The following THSD7B variants were observed in gnomAD, a reference collection of about 807,000 sequenced individuals.
THSD7B encodes thrombospondin type 1 domain containing 7B.
In THSD7B, 138 loss-of-function variants were observed where a neutral mutation model predicts 213.6. The observed-to-expected ratio is 0.65, with a 90% CI of 0.56 to 0.74. The LOEUF (loss-of-function observed/expected upper bound fraction) is 0.74. Ranked by LOEUF, THSD7B falls within the 30% of genes least tolerant of loss-of-function variation. The pLI is 0.00. For missense variants in THSD7B, 1,931 were observed against 1,991.5 expected (o/e 0.97, Z 0.58); for synonymous variants, 742 against 687.0 (o/e 1.08, Z -1.25).
intron 12 of THSD7B, among the ~76,000 whole-genome samples, chr2:137,344,795 A>G (rs562515781): frequency 6.6e-6 from 1 of 151,834 alleles, no homozygotes; most frequent in African/African-American, 2.4e-5. Flanking sequence ...TGGTTAGTCA[A>G]CATTAACAGA....
intron 2 of THSD7B, among the ~76,000 whole-genome samples, chr2:136,999,766 A>G (rs1685967200): frequency 6.6e-6 from 1 of 152,096 alleles, no homozygotes; most frequent in Non-Finnish European, 1.5e-5. Context: ...ATGTCTGACT[A>G]AAGCCCAGCT....
At chr2:137,037,315 C>T (rs371701315) in intron 2 of THSD7B, among the ~76,000 whole-genome samples, 49 of 151,944 alleles carry the variant, frequency 3.2e-4, no homozygotes, top group East Asian at 1.4e-3. Context: ...CATATTAAGA[C>T]GATCTAAATA....
intron 12 of THSD7B, among the ~76,000 whole-genome samples, chr2:137,341,159 C>A (rs1684753665): frequency 6.6e-6 from 1 of 151,222 alleles, no homozygotes; most frequent in Admixed American, 6.6e-5. Context: ...TGAGACGATA[C>A]CTCACTGTGG....
At chr2:137,609,756 C>T (rs1682253781) in intron 17 of THSD7B, among the ~76,000 whole-genome samples, 1 of 152,130 alleles carries the variant, frequency 6.6e-6, no homozygotes, top group Non-Finnish European at 1.5e-5. Flanking sequence ...GAAGATAGTT[C>T]TGGCCCCAGA....
chr2:137,323,152 T>G (rs776010696), intron 12 of THSD7B, among the ~76,000 whole-genome samples: 6 of 152,126 alleles, frequency 3.9e-5, no homozygotes, highest in Non-Finnish European at 8.8e-5. Context: ...ATCACAATTC[T>G]GAAAGAAAAA....
At position 137,013,023 on chromosome 2, in the gene THSD7B, A is replaced by G. The variant is rs374999541; in HGVS notation, c.140-43397A>G. 9.2e-5 allele frequency among the ~76,000 whole-genome samples: 14 copies of G among 152,326 alleles called. No individual in the cohort carries two copies. The South Asian group carries it at 1.0e-3, about 11-fold the overall frequency. ...TAGCCGGTCAAGATAACTCAATGAAATGAATGTTTATTTACTTTTTTTTCA... is the reference window on the plus strand; with the variant it reads ...TAGCCGGTCAAGATAACTCAATGAAGTGAATGTTTATTTACTTTTTTTTCA... On this transcript the variant is annotated intron_variant, in intron 2 of 27. Transcript: ENST00000409968.
At chr2:136,990,973 A>G in intron 2 of THSD7B, 1 of 1,314,050 alleles carries the variant, frequency 7.6e-7, no homozygotes, top group Non-Finnish European at 1.0e-6. Context: ...AAAGACATCA[A>G]AACTATCACA....
intron 1 of THSD7B, among the ~76,000 whole-genome samples, chr2:136,828,633 A>G (rs1682699570): frequency 6.6e-6 from 1 of 152,162 alleles, no homozygotes; most frequent in African/African-American, 2.4e-5. Flanking sequence ...TGCTTTTTGC[A>G]TTCTTGACAC....
chr2:137,498,309 C>T (rs1679619182), intron 15 of THSD7B, among the ~76,000 whole-genome samples: 1 of 149,876 alleles, frequency 6.7e-6, no homozygotes, highest in Admixed American at 6.7e-5. Flanking sequence ...CAGTATATCA[C>T]ATCTCTGTAG....
chr2:137,179,835 T>C lies in THSD7B; in HGVS notation c.1723+8897T>C, dbSNP rs74690590. Among the ~76,000 whole-genome samples the C allele has an allele frequency of 3.8e-3, 586 of 152,244 alleles. 6 individuals carry two copies. Among genetic ancestry groups the C allele is most frequent in the African/African-American group, 0.013 (546 of 41,570 alleles). The stretch of plus-strand genomic sequence containing the variant: ...AGTCATGTTGTTCCCCTGCCTGAGA[T>C]GCTTATCCTCCTCTTCTTCTTTGGC... On this transcript the variant is annotated intron_variant, in intron 7 of 27. Transcript: ENST00000409968.
intron 10 of THSD7B, among the ~76,000 whole-genome samples, chr2:137,251,273 A>T (rs956011584): frequency 6.6e-6 from 1 of 152,150 alleles, no homozygotes; most frequent in African/African-American, 2.4e-5. Context: ...AGTGTGTGAG[A>T]CTTAGAGCAT....
At chr2:137,133,337 G>T (rs1472436677) in intron 5 of THSD7B, among the ~76,000 whole-genome samples, 1 of 152,188 alleles carries the variant, frequency 6.6e-6, no homozygotes, top group Non-Finnish European at 1.5e-5. Flanking sequence ...TGCAGAGTTT[G>T]AAAGAGGAGG....
intron 2 of THSD7B, among the ~76,000 whole-genome samples, chr2:136,997,049 T>C (rs1249891087): frequency 6.6e-6 from 1 of 152,248 alleles, no homozygotes; most frequent in Non-Finnish European, 1.5e-5. Context: ...TGTAATAATG[T>C]AATTGGTATC....
chr2:137,531,021 G>A (rs992350131), intron 15 of THSD7B, among the ~76,000 whole-genome samples: 4 of 151,996 alleles, frequency 2.6e-5, no homozygotes, highest in East Asian at 2.0e-4. Context: ...AAGCATTTTC[G>A]TAGCCTACAT....
chr2:137,245,392 G>T (rs1682003982), intron 10 of THSD7B, among the ~76,000 whole-genome samples: 1 of 152,152 alleles, frequency 6.6e-6, no homozygotes, highest in Admixed American at 6.5e-5. Flanking sequence ...GCAAGTGTTT[G>T]TATAGTTGTA....
intron 1 of THSD7B, among the ~76,000 whole-genome samples, chr2:136,816,968 G>C (rs1467874219): frequency 1.3e-5 from 2 of 152,106 alleles, no homozygotes; most frequent in African/African-American, 4.8e-5. Context: ...AATTCTAAAA[G>C]TATTGCAATT....
chr2:137,395,574 A>T (rs1329858521), intron 12 of THSD7B, among the ~76,000 whole-genome samples: 2 of 152,094 alleles, frequency 1.3e-5, no homozygotes, highest in East Asian at 1.9e-4. Context: ...CCAGTATTTT[A>T]TTGAGGATTT....
rs562070142 is a variant in THSD7B at position 137,620,677 on chromosome 2, C to G, written c.3750C>G (p.Leu1250=). The G allele has an allele frequency of 6.2e-7, 1 of 1,613,984 alleles. No individual in the cohort carries two copies. The highest frequency in any genetic ancestry group is 1.1e-5 in the South Asian group (1 of 91,090). The part of the protein sequence containing the change: ...CLVECVVNCQ[L]SGWTAWTECS... The stretch of plus-strand genomic sequence containing the variant: ...TGGAATGCGTGGTCAACTGTCAGCT[C>G]TCAGGGTGGACGGCTTGGACAGAGT... The change falls in exon 20 of 28, where the codon CTC becomes CTG. Residue 1250 remains leucine (L), a synonymous_variant. Transcript: ENST00000409968.
At chr2:136,834,637 G>A (rs560906402) in intron 1 of THSD7B, among the ~76,000 whole-genome samples, 1 of 151,784 alleles carries the variant, frequency 6.6e-6, no homozygotes, top group Admixed American at 6.6e-5. Flanking sequence ...GATTGTAGAT[G>A]GAAATACATT....
Sources: allele counts gnomAD v4.1 joint callset (sites outside exome capture counted in the v4.1 genomes callset), GRCh38; gene constraint gnomAD v4.1.1; transcripts MANE v1.5; gene names NCBI Gene and HGNC (gene_info 2026-07-23, HGNC 2026-07-21).